The following CPEB4 variants were observed in gnomAD, a reference collection of about 807,000 sequenced individuals.
The protein encoded by CPEB4 is cytoplasmic polyadenylation element binding protein 4.
Under a neutral mutation model 72.5 loss-of-function variants are expected in CPEB4, and 12 were observed. The ratio of observed to expected loss-of-function variants is 0.17; its 90% CI spans 0.11 to 0.27. The LOEUF (loss-of-function observed/expected upper bound fraction) is 0.27, where lower values mean the gene tolerates loss of function less well. CPEB4 is among the 10% of genes least tolerant of loss of function. The pLI is 1.00. For synonymous variants in CPEB4, 302 were observed against 326.3 expected (o/e 0.93, Z 0.80); for missense variants, 614 against 908.5 (o/e 0.68, Z 4.17).
rs1405571113 is a variant in CPEB4 at position 173,900,539 on chromosome 5, T to C, written c.1125+9681T>C. Among the ~76,000 whole-genome samples the C allele has an allele frequency of 6.6e-6, 1 of 152,198 alleles. No homozygotes were observed. Among genetic ancestry groups the C allele is most frequent in the African/African-American group, 2.4e-5 (1 of 41,438 alleles). On this transcript the variant is annotated intron_variant, in intron 1 of 9. Transcript: ENST00000265085. The surrounding 1 kb of genome is among the most constrained non-coding windows in gnomAD (Gnocchi z 4.4). ...TCTAAATAACTTCATTCCTCAAGGC[T>C]GAGTGTTAGTATTGTTTACCTGCTT...
At chr5:173,953,850 A>C (rs1417248361) in intron 9 of CPEB4, among the ~76,000 whole-genome samples, 1 of 151,378 alleles carries the variant, frequency 6.6e-6, no homozygotes, top group Non-Finnish European at 1.5e-5. Flanking sequence ...TCATGAGTTT[A>C]TTTCCTAGCA....
chr5:173,953,374 T>G, intron 9 of CPEB4, 102 bp downstream of exon 9: 1 of 864,586 alleles, frequency 1.2e-6, no homozygotes, highest in South Asian at 2.5e-5. Flanking sequence ...AAGTGACAGC[T>G]GACAATTTTG....
At chr5:173,926,585 A>C (rs1757250727) in intron 2 of CPEB4, among the ~76,000 whole-genome samples, 1 of 152,228 alleles carries the variant, frequency 6.6e-6, no homozygotes, top group Non-Finnish European at 1.5e-5. Flanking sequence ...AATATAGCCT[A>C]TGCCTTCGGC....
chr5:173,929,524 C>A (rs1317480660), intron 2 of CPEB4, among the ~76,000 whole-genome samples: 2 of 151,912 alleles, frequency 1.3e-5, no homozygotes, highest in African/African-American at 2.4e-5. Context: ...CATAGGGAGA[C>A]CCCCATCTCT....
Position 173,953,279 on chromosome 5 carries a change from C to T in CPEB4, c.1962+7C>T, listed in dbSNP as rs1231934064. The T allele has an allele frequency of 2.7e-6, 4 of 1,508,742 alleles. No individual in the cohort carries two copies. The highest frequency in any genetic ancestry group is 3.6e-6 in the Non-Finnish European group (4 of 1,121,260). 93.5% of individuals were successfully genotyped at this position (1,508,742 alleles called of 1,614,324 possible). A position where few individuals can be genotyped will look rare whatever the true frequency, so the allele number is the denominator to read the frequency against. ...TGGAGAGATAGATAAACGGGTAAGC[C>T]TTATACTACATTTTGGAAAATTCTA... On this transcript the variant is annotated splice_region_variant and intron_variant, in intron 9 of 9. Transcript: ENST00000265085.
At chr5:173,951,112 G>A (rs555205696) in intron 7 of CPEB4, among the ~76,000 whole-genome samples, 25 of 152,202 alleles carry the variant, frequency 1.6e-4, no homozygotes, top group African/African-American at 5.8e-4. Flanking sequence ...ACTTGTTTAT[G>A]TTCCCTGCCA....
At chr5:173,917,638 A>T (rs561684689) in intron 2 of CPEB4, among the ~76,000 whole-genome samples, 1 of 152,300 alleles carries the variant, frequency 6.6e-6, no homozygotes, top group South Asian at 2.1e-4. Context: ...AGGCAGGAGA[A>T]CCGCTTGAAC....
chr5:173,951,333 A>G (rs563285157), intron 7 of CPEB4, among the ~76,000 whole-genome samples: 1 of 152,328 alleles, frequency 6.6e-6, no homozygotes, highest in African/African-American at 2.4e-5. Flanking sequence ...TCTATTGCAA[A>G]TATCATCAGT....
chr5:173,932,414 A>T (rs760248215), intron 2 of CPEB4, 36 bp from the exon 3 acceptor site: 7 of 1,572,532 alleles, frequency 4.5e-6, no homozygotes, highest in Non-Finnish European at 6.1e-6. Context: ...ATCTATGAAA[A>T]AAGTAAACTT....
At chr5:173,913,018 A>G (rs191926154) in intron 2 of CPEB4, among the ~76,000 whole-genome samples, 86 of 151,994 alleles carry the variant, frequency 5.7e-4, no homozygotes, top group Admixed American at 1.3e-3. Context: ...AGAGCTTCCC[A>G]TACACTAGGT....
intron 2 of CPEB4, among the ~76,000 whole-genome samples, chr5:173,915,463 A>T (rs543668723): frequency 8.2e-4 from 124 of 152,110 alleles, no homozygotes; most frequent in African/African-American, 2.9e-3. Context: ...TGTTATTTTT[A>T]TCCGCGAAAT....
chr5:173,915,368 G>A (rs1030308879), intron 2 of CPEB4, among the ~76,000 whole-genome samples: 3 of 151,860 alleles, frequency 2.0e-5, no homozygotes, highest in Non-Finnish European at 2.9e-5. Context: ...CTATGTACAG[G>A]GATTTAGCTC....
chr5:173,939,480 A>C (rs1367789085), intron 3 of CPEB4, among the ~76,000 whole-genome samples: 1 of 152,210 alleles, frequency 6.6e-6, no homozygotes, highest in Non-Finnish European at 1.5e-5. Context: ...TTTATGGGAT[A>C]AATAATATTT....
At chr5:173,940,164 AATC>A (rs1275132936) in intron 3 of CPEB4, among the ~76,000 whole-genome samples, 8 of 152,162 alleles carry the variant, frequency 5.3e-5, no homozygotes, top group African/African-American at 1.4e-4. Context: ...TATAAATCGT[AATC>A]ATTTAAACTT....
At position 173,890,789 on chromosome 5, in the gene CPEB4, C is replaced by G. The variant is rs1283260275; in HGVS notation, c.1056C>G (p.Ser352Arg). 6.2e-7 allele frequency: 1 copy of G among 1,614,084 alleles called. No individual in the cohort carries two copies. The highest frequency in any genetic ancestry group is 8.5e-7 in the Non-Finnish European group (1 of 1,180,026). Residue 352 changes from serine (S) to arginine (R), a missense_variant, in exon 1 of 10, where the codon AGC becomes AGG. Coordinates refer to ENST00000265085, the MANE Select transcript of CPEB4 (RefSeq NM_030627.4). Reference protein sequence around the residue: ...HIQLQKYARPSSAFAPKSWME... With the variant: ...HIQLQKYARPRSAFAPKSWME... The stretch of plus-strand genomic sequence containing the variant: ...AGCTCCAGAAGTATGCTCGCCCCAG[C>G]TCTGCCTTTGCACCTAAATCCTGGA...
At chr5:173,935,502 C>G (rs766105536) in intron 3 of CPEB4, among the ~76,000 whole-genome samples, 32 of 152,168 alleles carry the variant, frequency 2.1e-4, no homozygotes, top group Non-Finnish European at 4.1e-4. Context: ...GATTATATAG[C>G]CACTCTGCTT....
Position 173,955,043 on chromosome 5 carries a change from A to T in CPEB4, c.1963-867A>T, listed in dbSNP as rs1007418111. Among the ~76,000 whole-genome samples, 2 of 152,144 alleles carry T rather than the reference A, an allele frequency of 1.3e-5. No homozygotes were observed. Among genetic ancestry groups the T allele is most frequent in the African/African-American group, 4.8e-5 (2 of 41,436 alleles). ...GTTCTTCTCCTTTTGTTCATGGCTA[A>T]TCTTGGTCAGGATTCCTTGTCAGAG... On this transcript the variant is annotated intron_variant, in intron 9 of 9. Coordinates refer to ENST00000265085, the MANE Select transcript of CPEB4 (RefSeq NM_030627.4). This position sits in a 1 kb window ranked among gnomAD's most constrained non-coding sequence, Gnocchi z 4.7.
At chr5:173,951,426 G>A (rs116011615) in intron 7 of CPEB4, among the ~76,000 whole-genome samples, 45 of 152,276 alleles carry the variant, frequency 3.0e-4, no homozygotes, top group African/African-American at 1.1e-3. Flanking sequence ...GACATACACT[G>A]ATTGGACACA....
rs1351795943 is a variant in CPEB4, at chr5:173,888,783, G to A, written c.-951G>A. ...GAGGGAAAAAAACCCCGGAGCCGCA[G>A]AGAGGGGAAGAGGCAGAAACCGCAG... On this transcript the variant is annotated 5_prime_UTR_variant, in exon 1 of 10. Transcript: ENST00000265085. This position sits in a 1 kb window ranked among gnomAD's most constrained non-coding sequence, Gnocchi z 4.3. 1 of 367,694 alleles carries A rather than the reference G, an allele frequency of 2.7e-6. No homozygotes were observed. The highest frequency in any genetic ancestry group is 2.1e-5 in the African/African-American group (1 of 47,844). The allele number at this position is 367,694 out of a possible 1,614,324, so 22.8% of individuals were successfully genotyped here. A position where few individuals can be genotyped will look rare whatever the true frequency, so the allele number is the denominator to read the frequency against.
Sources: allele counts gnomAD v4.1 joint callset (sites outside exome capture counted in the v4.1 genomes callset), GRCh38; gene constraint gnomAD v4.1.1; non-coding constraint Gnocchi (gnomAD v3.1); transcripts MANE v1.5; gene names NCBI Gene and HGNC (gene_info 2026-07-23, HGNC 2026-07-21).